GPR143: variants seen among roughly 807,000 people sequenced by gnomAD.
GPR143 encodes the protein G-protein coupled receptor 143.
GPR143 carries 8 observed loss-of-function variants against 27.6 expected under a neutral mutation model. The observed-to-expected ratio is 0.29, with a 90% CI of 0.17 to 0.52. The LOEUF (loss-of-function observed/expected upper bound fraction) is 0.52. Among genes scored for constraint, GPR143 ranks in the 20% least tolerant of loss-of-function variants. GPR143 has a pLI of 0.96. For missense variants in GPR143, 303 were observed against 343.1 expected (o/e 0.88, Z 0.92); for synonymous variants, 156 against 153.2 (o/e 1.02, Z -0.13).
chrX:9,750,570 AT>A (rs1206213149), intron 3 of GPR143, among the ~76,000 whole-genome samples: 37 of 99,551 alleles, frequency 3.7e-4, no homozygotes, highest in Non-Finnish European at 6.6e-4. Context: ...GTCAGATGGC[AT>A]TTTTTTTTTC....
chrX:9,734,606 C>G (rs1054857889), intron 8 of GPR143, among the ~76,000 whole-genome samples: 2 of 112,143 alleles, frequency 1.8e-5, no homozygotes, highest in African/African-American at 3.2e-5. Flanking sequence ...TCAGCCTCAC[C>G]GGCCTGGGCT....
chrX:9,737,259 G>A (rs193095699), intron 8 of GPR143, among the ~76,000 whole-genome samples: 3 of 111,923 alleles, frequency 2.7e-5, no homozygotes, highest in Admixed American at 9.5e-5. Flanking sequence ...GGAGATCAAG[G>A]CTGCAGTGAG....
At chrX:9,741,267 A>G in intron 7 of GPR143, 71 bp downstream of exon 7, 1 of 504,880 alleles carries the variant, frequency 2.0e-6, no homozygotes, top group Admixed American at 3.0e-5. Flanking sequence ...TGGGTGACAG[A>G]GTGAGACCTT....
chrX:9,754,580 C>T (rs145441166), intron 3 of GPR143, among the ~76,000 whole-genome samples: 9 of 111,722 alleles, frequency 8.1e-5, no homozygotes, highest in African/African-American at 2.9e-4. Flanking sequence ...GAGAAGCCTG[C>T]GCCCCCCACT....
Position 9,761,428 on chromosome X carries a change from G to A in GPR143, c.251-602C>T, listed in dbSNP as rs745567073. On this transcript the variant is annotated intron_variant, in intron 1 of 8. Coordinates refer to ENST00000467482, the MANE Select transcript of GPR143 (RefSeq NM_000273.3). Reference sequence around the variant, plus strand: ...AATAACTTATGGTAGCAAAACAAACGCAGGCACTTTAACGCAAACCATAGT... The same window carrying A: ...AATAACTTATGGTAGCAAAACAAACACAGGCACTTTAACGCAAACCATAGT... Among the ~76,000 whole-genome samples, 69 of 112,291 alleles carry A rather than the reference G, an allele frequency of 6.1e-4. 1 individual carries two copies. Among genetic ancestry groups the A allele is most frequent in the Middle Eastern group, 4.2e-3 (1 of 237 alleles).
chrX:9,730,531 C>T (rs1395983408), intron 8 of GPR143, among the ~76,000 whole-genome samples: 1 of 111,833 alleles, frequency 8.9e-6, no homozygotes, highest in African/African-American at 3.3e-5. Context: ...TGAGACTTCA[C>T]CTGAGCTGGG....
intron 3 of GPR143, among the ~76,000 whole-genome samples, chrX:9,750,895 T>C (rs2083448636): frequency 8.9e-6 from 1 of 112,532 alleles, no homozygotes; most frequent in African/African-American, 3.2e-5. Context: ...CTGCCGCCAG[T>C]CTGTGATGTT....
chrX:9,730,970 CT>C (rs1374159149), intron 8 of GPR143, among the ~76,000 whole-genome samples: 3 of 111,750 alleles, frequency 2.7e-5, no homozygotes, highest in Non-Finnish European at 5.6e-5. Context: ...TCACTTGTTG[CT>C]GTCAGTATTT....
chrX:9,747,009 TAAAAAAAAAAAAAAAA>T (rs56761188), intron 4 of GPR143, among the ~76,000 whole-genome samples: 1 of 37,633 alleles, frequency 2.7e-5, no homozygotes, highest in Non-Finnish European at 5.3e-5. Context: ...GCAGAAAATG[TAAAAAAAAAAAAAAAA>T]AAAAAAAAAA....
At chrX:9,770,369 AATAC>A (rs1219525439), upstream of GPR143, among the ~76,000 whole-genome samples, 3 of 102,274 alleles carry the variant, frequency 2.9e-5, no homozygotes, top group Admixed American at 2.1e-4. Context: ...AAGACCAGCC[AATAC>A]ATAAGTCCAT....
At chrX:9,778,440 T>C (rs1288136326) in intron 1 of GPR143, among the ~76,000 whole-genome samples, 1 of 108,952 alleles carries the variant, frequency 9.2e-6, no homozygotes. Flanking sequence ...TCATGCTCAG[T>C]TGGGGTCCTC....
intron 1 of GPR143, among the ~76,000 whole-genome samples, chrX:9,764,786 G>A (rs1313914951): frequency 1.8e-5 from 2 of 111,395 alleles, no homozygotes; most frequent in African/African-American, 6.5e-5. Flanking sequence ...CAGCACTTTG[G>A]GAGGCCGAGG....
At chrX:9,748,288 G>A (rs1028693549) in intron 4 of GPR143, among the ~76,000 whole-genome samples, 2 of 112,871 alleles carry the variant, frequency 1.8e-5, no homozygotes, top group Non-Finnish European at 1.9e-5. Context: ...TACACCTTAC[G>A]TGGAGGGAAA....
upstream of GPR143, among the ~76,000 whole-genome samples, chrX:9,767,183 T>TTAAG (rs2083538479): frequency 9.0e-6 from 1 of 110,995 alleles, no homozygotes; most frequent in African/African-American, 3.3e-5. Context: ...ATTTTTTTTT[T>TTAAG]TAAGTTCTTC....
chrX:9,766,484 G>A (rs1397041479), upstream of GPR143, among the ~76,000 whole-genome samples: 1 of 112,143 alleles, frequency 8.9e-6, no homozygotes, highest in Non-Finnish European at 1.9e-5. Context: ...CCAGCACCTT[G>A]GGAGGCCGAG....
intron 8 of GPR143, 21 bp from the exon 9 acceptor site, chrX:9,725,861 G>T: frequency 8.3e-7 from 1 of 1,199,740 alleles, no homozygotes; most frequent in Non-Finnish European, 1.1e-6. Context: ...AAAGACAAAA[G>T]ACTGACTGTG....
intron 8 of GPR143, 101 bp from the exon 9 acceptor site, chrX:9,725,941 G>A (rs770661346): frequency 3.1e-5 from 27 of 875,732 alleles, no homozygotes; most frequent in South Asian, 9.3e-5. Flanking sequence ...GTTTTTCATG[G>A]ACCAACTTTG....
intron 1 of GPR143, among the ~76,000 whole-genome samples, chrX:9,778,149 T>C (rs1356381080): frequency 9.0e-6 from 1 of 111,471 alleles, no homozygotes; most frequent in Non-Finnish European, 1.9e-5. Flanking sequence ...ACAAGAAATG[T>C]TGGATGCATA....
At position 9,725,392 on chromosome X, in the gene GPR143, A is replaced by G; in HGVS notation, c.*354T>C. ...TCTTTTGCTAGAAGTGTTAAGACAG[A>G]ATCCAAGTCAGGCTGAGAGCTCAGT... On this transcript the variant is annotated 3_prime_UTR_variant, in exon 9 of 9. Transcript: ENST00000467482. 5.1e-6 allele frequency: 1 copy of G among 197,402 alleles called. No homozygotes were observed. The highest frequency in any genetic ancestry group is 9.3e-6 in the Non-Finnish European group (1 of 107,180). 16.3% of individuals were successfully genotyped at this position (197,402 alleles called of 1,213,427 possible).
Sources: allele counts gnomAD v4.1 joint callset (sites outside exome capture counted in the v4.1 genomes callset), GRCh38; gene constraint gnomAD v4.1.1; transcripts MANE v1.5; gene names NCBI Gene and HGNC (gene_info 2026-07-23, HGNC 2026-07-21).